The following SEMA3A variants were observed in gnomAD, a reference collection of about 807,000 sequenced individuals.
The protein encoded by SEMA3A is semaphorin 3A, also known as semaphorin-3A.
SEMA3A carries 29 observed loss-of-function variants against 97.9 expected under a neutral mutation model. That is an observed-to-expected ratio of 0.30 (90% CI 0.22 to 0.40). The LOEUF is 0.40. Among genes scored for constraint, SEMA3A ranks in the 10% least tolerant of loss-of-function variants. The pLI, the probability that SEMA3A is intolerant of heterozygous loss-of-function variation, is 1.00. For missense variants in SEMA3A, 763 were observed against 951.3 expected (o/e 0.80, Z 2.60); for synonymous variants, 321 against 323.7 (o/e 0.99, Z 0.09).
intron 1 of SEMA3A, among the ~76,000 whole-genome samples, chr7:84,476,240 C>A (rs1041187322): frequency 6.6e-6 from 1 of 151,694 alleles, no homozygotes; most frequent in African/African-American, 2.4e-5. Flanking sequence ...CACCTGTAAT[C>A]CCAGCTACTC....
chr7:84,022,617 A>G (rs1234158984), intron 6 of SEMA3A, among the ~76,000 whole-genome samples: 1 of 152,232 alleles, frequency 6.6e-6, no homozygotes, highest in African/African-American at 2.4e-5. Context: ...AAATTTGAAA[A>G]GATTTCTTGC....
intron 2 of SEMA3A, among the ~76,000 whole-genome samples, chr7:84,340,797 A>AAAAAC (rs1554366944): frequency 3.5e-5 from 5 of 144,862 alleles, no homozygotes; most frequent in African/African-American, 1.3e-4. Context: ...AAAAAAAAAA[A>AAAAAC]ATCAAAATAA....
At chr7:84,056,613 A>C (rs1045523016) in intron 5 of SEMA3A, among the ~76,000 whole-genome samples, 4 of 152,132 alleles carry the variant, frequency 2.6e-5, no homozygotes, top group South Asian at 2.1e-4. Flanking sequence ...CCTCTATCAC[A>C]CACACAGAAA....
At chr7:84,144,880 G>A (rs1796417794) in intron 1 of SEMA3A, among the ~76,000 whole-genome samples, 1 of 151,966 alleles carries the variant, frequency 6.6e-6, no homozygotes, top group Non-Finnish European at 1.5e-5. Flanking sequence ...TTAAAACCTG[G>A]CTAGAGATTT....
rs141527267 is a variant in SEMA3A, at chr7:84,091,300, A to AAAAG, written c.453+19166_453+19169dup. ...GAAAAGAAAGAAAGAAAGAAAAAGA[A>AAAAG]AAAGAAAGGAAGGAAGGAAGGAAGA... On this transcript the variant is annotated intron_variant, in intron 4 of 16. Coordinates refer to ENST00000265362, the MANE Select transcript of SEMA3A (RefSeq NM_006080.3). Among the ~76,000 whole-genome samples the AAAAG allele has an allele frequency of 2.9e-3, 179 of 60,748 alleles. 4 individuals are homozygous for AAAAG. In the East Asian group the frequency reaches 0.049, roughly 17 times the overall value. The allele number at this position is 60,748 out of a possible 152,430, so 39.9% of individuals were successfully genotyped here. A position where few individuals can be genotyped will look rare whatever the true frequency, so the allele number is the denominator to read the frequency against.
intron 1 of SEMA3A, among the ~76,000 whole-genome samples, chr7:84,489,402 C>T (rs757084401): frequency 8.5e-5 from 13 of 152,060 alleles, no homozygotes; most frequent in Non-Finnish European, 1.6e-4. Flanking sequence ...GTCCCTTAAC[C>T]ACTCCGTTTT....
At chr7:84,448,940 T>C (rs1297210482) in intron 1 of SEMA3A, among the ~76,000 whole-genome samples, 4 of 152,228 alleles carry the variant, frequency 2.6e-5, no homozygotes, top group Admixed American at 2.0e-4. Flanking sequence ...CCGGTTCTGG[T>C]GTAAATATAT....
chr7:84,123,194 T>C (rs1795679981), intron 3 of SEMA3A, among the ~76,000 whole-genome samples: 1 of 152,092 alleles, frequency 6.6e-6, no homozygotes, highest in Admixed American at 6.6e-5. Flanking sequence ...CAAAACAGGG[T>C]CAATGAAGTT....
chr7:83,997,426 G>C (rs1790266087), intron 12 of SEMA3A, among the ~76,000 whole-genome samples: 2 of 152,142 alleles, frequency 1.3e-5, no homozygotes, highest in South Asian at 2.1e-4. Context: ...ATTAAACAAA[G>C]TTTGACAGTG....
At chr7:84,197,088 T>G (rs1380732330), upstream of SEMA3A, among the ~76,000 whole-genome samples, 1 of 152,122 alleles carries the variant, frequency 6.6e-6, no homozygotes, top group African/African-American at 2.4e-5. Context: ...AATCTGGATT[T>G]TGAACCACAA....
chr7:84,386,074 A>G (rs1803387093), intron 1 of SEMA3A, among the ~76,000 whole-genome samples: 1 of 152,152 alleles, frequency 6.6e-6, no homozygotes, highest in Non-Finnish European at 1.5e-5. Flanking sequence ...CATTTTTCCA[A>G]AGTCACTAAT....
At position 83,972,780 on chromosome 7, in the gene SEMA3A, G is replaced by T. The variant is rs181650823; in HGVS notation, c.1717+4352C>A. Among the ~76,000 whole-genome samples the T allele has an allele frequency of 2.0e-5, 3 of 152,206 alleles. No homozygotes were observed. The East Asian group carries it at 5.8e-4, about 29-fold the overall frequency. On this transcript the variant is annotated intron_variant, in intron 15 of 16. Transcript: ENST00000265362. ...GATGACATACTTAAAGACTTCAATG[G>T]AGAATAATGATACGCAAGCTATTTC...
At chr7:84,031,906 C>G (rs1791772503) in intron 6 of SEMA3A, among the ~76,000 whole-genome samples, 1 of 152,100 alleles carries the variant, frequency 6.6e-6, no homozygotes, top group Non-Finnish European at 1.5e-5. Flanking sequence ...TTTCTTTCCT[C>G]TGAAAAATAG....
At chr7:84,408,907 G>A (rs1159905325) in intron 1 of SEMA3A, among the ~76,000 whole-genome samples, 1 of 151,952 alleles carries the variant, frequency 6.6e-6, no homozygotes, top group Admixed American at 6.6e-5. Flanking sequence ...GGTTGGGGGA[G>A]CGGGGAGGGA....
chr7:84,276,875 A>G (rs76090672), intron 3 of SEMA3A, among the ~76,000 whole-genome samples: 11,149 of 152,200 alleles, frequency 0.073, 1,397 homozygotes, highest in African/African-American at 0.25. Context: ...TTCCTAGATC[A>G]TGGCAGTCCC....
intron 3 of SEMA3A, among the ~76,000 whole-genome samples, chr7:84,271,603 A>G (rs1215911359): frequency 6.6e-6 from 1 of 152,148 alleles, no homozygotes; most frequent in Non-Finnish European, 1.5e-5. Flanking sequence ...AACCCGTTGT[A>G]TCAAGTGTCT....
intron 2 of SEMA3A, among the ~76,000 whole-genome samples, chr7:84,312,261 A>C (rs1801343086): frequency 6.6e-6 from 1 of 151,940 alleles, no homozygotes; most frequent in Non-Finnish European, 1.5e-5. Context: ...TCCTTCATTT[A>C]AGATTCTTTA....
intron 3 of SEMA3A, among the ~76,000 whole-genome samples, chr7:84,234,216 C>T (rs2116363004): frequency 6.6e-6 from 1 of 151,904 alleles, no homozygotes; most frequent in South Asian, 2.1e-4. Flanking sequence ...CTTTTAAATA[C>T]TTTAAAAATC....
At chr7:84,287,605 A>G (rs1471092361) in intron 3 of SEMA3A, among the ~76,000 whole-genome samples, 1 of 152,096 alleles carries the variant, frequency 6.6e-6, no homozygotes, top group Non-Finnish European at 1.5e-5. Flanking sequence ...TTCCCTATCT[A>G]TATATTCGTT....
Sources: gnomAD v4.1 joint callset for allele counts (sites outside exome capture counted in the v4.1 genomes callset) on GRCh38, gnomAD v4.1.1 for gene constraint, MANE v1.5 for transcripts, NCBI Gene and HGNC (gene_info 2026-07-23, HGNC 2026-07-21) for gene names.